CD36: variants seen among roughly 807,000 people sequenced by gnomAD.
The protein encoded by CD36 is platelet glycoprotein 4.
CD36 carries 119 observed loss-of-function variants against 55.2 expected under a neutral mutation model. The ratio of observed to expected loss-of-function variants is 2.15; its 90% confidence interval spans 1.86 to 2.51. The LOEUF is 2.51. Among genes scored for constraint, CD36 ranks in the 30% most tolerant of loss-of-function variants. The probability of loss-of-function intolerance (pLI) is 0.00; values close to 1 mark genes in which losing one functional copy is unlikely to be tolerated. For missense variants in CD36, 819 were observed against 555.5 expected (o/e 1.47, Z -4.77); for synonymous variants, 186 against 193.6 (o/e 0.96, Z 0.33).
chr7:80,673,445 C>CTTCT, intron 13 of CD36, 36 bp downstream of exon 13: 1 of 1,215,548 alleles, frequency 8.2e-7, no homozygotes, highest in Non-Finnish European at 1.2e-6. Flanking sequence ...TAAAAACAAC[C>CTTCT]TTCTTTGTAT....
intron 3 of CD36, among the ~76,000 whole-genome samples, chr7:80,656,013 G>A (rs1796026624): frequency 6.6e-6 from 1 of 152,036 alleles, no homozygotes; most frequent in African/African-American, 2.4e-5. Flanking sequence ...TGTTCTTCAT[G>A]TAGATATTTT....
At chr7:80,616,227 C>T (rs1793143940) in intron 1 of CD36, among the ~76,000 whole-genome samples, 1 of 152,108 alleles carries the variant, frequency 6.6e-6, no homozygotes, top group Admixed American at 6.6e-5. Context: ...CTTATATGTG[C>T]TCAGAACACT....
intron 1 of CD36, among the ~76,000 whole-genome samples, chr7:80,629,092 C>A (rs114534108): frequency 0.017 from 2,513 of 152,022 alleles, 71 homozygotes; most frequent in African/African-American, 0.056. Flanking sequence ...CTTCACAAAC[C>A]TAAATTAGCT....
chr7:80,641,108 C>G (rs976559392), intron 1 of CD36, among the ~76,000 whole-genome samples: 2 of 151,942 alleles, frequency 1.3e-5, no homozygotes, highest in Admixed American at 6.6e-5. Context: ...AGTTTCTGCT[C>G]CTTTCTTTTA....
intron 8 of CD36, among the ~76,000 whole-genome samples, chr7:80,668,149 T>C (rs1313191164): frequency 6.6e-6 from 1 of 152,180 alleles, no homozygotes; most frequent in African/African-American, 2.4e-5. Flanking sequence ...CTACCAATGC[T>C]AGTAGTTGTA....
At chr7:80,637,777 A>G (rs778144110), upstream of CD36, among the ~76,000 whole-genome samples, 8 of 152,098 alleles carry the variant, frequency 5.3e-5, no homozygotes, top group Non-Finnish European at 1.0e-4. Flanking sequence ...TATCAAATAC[A>G]TGCCAGGTTA....
rs1796849451 is a variant in CD36, at chr7:80,664,499, TA to T, written c.701+4del. On this transcript the variant is annotated splice_donor_region_variant and intron_variant, in intron 7 of 14. Coordinates refer to ENST00000447544, the MANE Select transcript of CD36 (RefSeq NM_001001548.3). The stretch of plus-strand genomic sequence containing the variant: ...AATCGACACATATAAAGGTAAAAGG[TA>T]AGTATTCTGGTAAAATGTGCATGTA... The T allele has an allele frequency of 6.8e-7, 1 of 1,477,990 alleles. No individual in the cohort carries two copies. Among genetic ancestry groups the T allele is most frequent in the Non-Finnish European group, 9.5e-7 (1 of 1,056,530 alleles). 91.6% of individuals were successfully genotyped at this position (1,477,990 alleles called of 1,614,324 possible).
intron 1 of CD36, among the ~76,000 whole-genome samples, chr7:80,632,722 A>G (rs1425119107): frequency 6.6e-6 from 1 of 152,040 alleles, no homozygotes; most frequent in Non-Finnish European, 1.5e-5. Flanking sequence ...ATTTTAAAAC[A>G]CATCATTATG....
intron 13 of CD36, 103 bp downstream of exon 13, chr7:80,673,512 T>A: frequency 1.3e-6 from 1 of 778,406 alleles, no homozygotes; most frequent in Non-Finnish European, 2.3e-6. Context: ...TATATGTATT[T>A]CCATTACCCA....
chr7:80,640,721 A>G (rs140366598), intron 1 of CD36, among the ~76,000 whole-genome samples: 2 of 152,082 alleles, frequency 1.3e-5, no homozygotes, highest in Non-Finnish European at 2.9e-5. Context: ...AATAATTTCA[A>G]ACCTACAGTA....
chr7:80,644,669 A>G (rs1394475961), intron 1 of CD36, among the ~76,000 whole-genome samples: 1 of 152,196 alleles, frequency 6.6e-6, no homozygotes, highest in Non-Finnish European at 1.5e-5. Context: ...TAAGAGTGGT[A>G]CCTCTGTTGC....
At chr7:80,644,556 T>G (rs1449793707) in intron 1 of CD36, among the ~76,000 whole-genome samples, 1 of 152,188 alleles carries the variant, frequency 6.6e-6, no homozygotes, top group Non-Finnish European at 1.5e-5. Flanking sequence ...ATTCCTACAT[T>G]TTGGGGGAAA....
intron 1 of CD36, among the ~76,000 whole-genome samples, chr7:80,623,515 G>T (rs1793585349): frequency 6.6e-6 from 1 of 151,448 alleles, no homozygotes; most frequent in Non-Finnish European, 1.5e-5. Context: ...TTATTTTTAG[G>T]GTGTATTTAT....
Position 80,670,028 on chromosome 7 carries a change from A to G in CD36, c.818+6A>G. 2 of 1,572,384 alleles carry G rather than the reference A, an allele frequency of 1.3e-6. No homozygotes were observed. The highest frequency in any genetic ancestry group is 1.7e-6 in the Non-Finnish European group (2 of 1,143,078). On this transcript the variant is annotated splice_donor_region_variant and intron_variant, in intron 9 of 14. Coordinates refer to ENST00000447544, the MANE Select transcript of CD36 (RefSeq NM_001001548.3). ...TTTTCTTCTGATATTTGCAGGTAAGACAGATACTGAAGTATAAGTATGTCT... is the reference window on the plus strand; with the variant it reads ...TTTTCTTCTGATATTTGCAGGTAAGGCAGATACTGAAGTATAAGTATGTCT...
intron 1 of CD36, among the ~76,000 whole-genome samples, chr7:80,612,679 C>T (rs1792939774): frequency 6.6e-6 from 1 of 152,098 alleles, no homozygotes; most frequent in African/African-American, 2.4e-5. Context: ...CTGACTTTTT[C>T]TATTATTCAA....
In CD36 at chr7:80,670,024, T is replaced by C. The variant is rs776733194; in HGVS notation, c.818+2T>C. ...GTTCTTTTCTTCTGATATTTGCAGG[T>C]AAGACAGATACTGAAGTATAAGTAT... On this transcript the variant is annotated splice_donor_variant, in intron 9 of 14. Coordinates refer to ENST00000447544, the MANE Select transcript of CD36 (RefSeq NM_001001548.3). LOFTEE classifies it high-confidence loss of function. The C allele has an allele frequency of 1.1e-5, 17 of 1,584,622 alleles. No individual in the cohort carries two copies. In the Admixed American group the frequency reaches 2.8e-4, roughly 26 times the overall value.
chr7:80,614,389 T>C (rs1280277464), intron 1 of CD36, among the ~76,000 whole-genome samples: 2 of 152,192 alleles, frequency 1.3e-5, no homozygotes. Context: ...ATTTATATTT[T>C]ATACACCCAC....
chr7:80,607,452 C>T (rs1792623234), intron 1 of CD36, among the ~76,000 whole-genome samples: 1 of 152,054 alleles, frequency 6.6e-6, no homozygotes, highest in Non-Finnish European at 1.5e-5. Flanking sequence ...GTTTTTAGCA[C>T]ACTCTAAAAC....
intron 1 of CD36, chr7:80,625,123 A>T (rs902934006): frequency 2.0e-5 from 3 of 152,164 alleles, no homozygotes; most frequent in Admixed American, 6.6e-5. Flanking sequence ...GTAGTGTTTT[A>T]AAAAATTAGC....
Sources: allele counts gnomAD v4.1 joint callset (sites outside exome capture counted in the v4.1 genomes callset), GRCh38; gene constraint gnomAD v4.1.1; transcripts MANE v1.5; gene names NCBI Gene and HGNC (gene_info 2026-07-23, HGNC 2026-07-21).